PTPRM: variants seen among roughly 807,000 people sequenced by gnomAD.
The protein encoded by PTPRM is protein tyrosine phosphatase receptor type M.
PTPRM carries 47 observed loss-of-function variants against 186.7 expected under a neutral mutation model. That is an observed-to-expected ratio of 0.25 (90% CI 0.20 to 0.32). The LOEUF (loss-of-function observed/expected upper bound fraction) is 0.32, where lower values mean the gene tolerates loss of function less well. Among genes scored for constraint, PTPRM ranks in the 10% least tolerant of loss-of-function variants. PTPRM has a pLI of 1.00. For synonymous variants in PTPRM, 668 were observed against 674.9 expected, an observed-to-expected ratio of 0.99 and a Z score of 0.16; for missense variants, 1,494 against 1,865.0, an observed-to-expected ratio of 0.80 and a Z score of 3.66.
At position 8,076,525 on chromosome 18, in the gene PTPRM, A is replaced by G. The variant is rs532580268; in HGVS notation, c.1512A>G (p.Arg504=). The change falls in exon 9 of 33, where the codon AGA becomes AGG. Residue 504 remains arginine, a synonymous_variant. Transcript: ENST00000580170. The stretch of plus-strand genomic sequence containing the variant: ...AAGAGAAGATATTTCTTCAGTGGAG[A>G]GAACCAACTCAAACATATGGTGTAA... ...TFEEKIFLQW[R]EPTQTYGVIT... The G allele has an allele frequency of 1.3e-5, 21 of 1,606,936 alleles. No individual in the cohort carries two copies. The highest frequency in any genetic ancestry group is 1.8e-5 in the Non-Finnish European group (21 of 1,174,322).
At chr18:7,653,433 T>G (rs189536064) in intron 1 of PTPRM, among the ~76,000 whole-genome samples, 4 of 152,196 alleles carry the variant, frequency 2.6e-5, no homozygotes, top group Admixed American at 6.5e-5. Flanking sequence ...TTAAGCCTAG[T>G]ACCCATTAGT....
intron 20 of PTPRM, among the ~76,000 whole-genome samples, chr18:8,306,061 C>T (rs1228328112): frequency 1.7e-4 from 26 of 152,182 alleles, no homozygotes; most frequent in Admixed American, 1.7e-3. Context: ...CCACACCTGG[C>T]TAATTTTGTA....
intron 1 of PTPRM, among the ~76,000 whole-genome samples, chr18:7,618,071 A>G (rs1223245730): frequency 6.6e-6 from 1 of 151,746 alleles, no homozygotes; most frequent in African/African-American, 2.4e-5. Context: ...CATATTGGAA[A>G]TATTATTCCA....
chr18:7,678,889 A>G (rs2039412451), intron 1 of PTPRM, among the ~76,000 whole-genome samples: 1 of 152,198 alleles, frequency 6.6e-6, no homozygotes. Flanking sequence ...AGATATCTGT[A>G]TGCATGTATC....
At chr18:7,944,147 C>T (rs1334721477) in intron 5 of PTPRM, among the ~76,000 whole-genome samples, 2 of 152,124 alleles carry the variant, frequency 1.3e-5, no homozygotes. Context: ...TTTTTTTCCA[C>T]TGAGGCTGTG....
chr18:7,966,621 G>C (rs1349346659), intron 7 of PTPRM, among the ~76,000 whole-genome samples: 3 of 148,484 alleles, frequency 2.0e-5, no homozygotes, highest in Non-Finnish European at 4.5e-5. Context: ...AGCCGAAGCA[G>C]GGCGAGGCAT....
intron 7 of PTPRM, among the ~76,000 whole-genome samples, chr18:7,976,645 G>A (rs760626598): frequency 1.3e-5 from 2 of 152,116 alleles, no homozygotes; most frequent in African/African-American, 2.4e-5. Context: ...TTGAGTCTAG[G>A]GATGGAATGA....
intron 19 of PTPRM, among the ~76,000 whole-genome samples, chr18:8,284,447 TC>T (rs1447913695): frequency 3.3e-5 from 5 of 152,218 alleles, no homozygotes; most frequent in African/African-American, 1.2e-4. Context: ...CTAATTGTTA[TC>T]CTTTCAGCAG....
At chr18:7,645,586 G>C (rs2038541789) in intron 1 of PTPRM, among the ~76,000 whole-genome samples, 1 of 152,186 alleles carries the variant, frequency 6.6e-6, no homozygotes, top group Non-Finnish European at 1.5e-5. Context: ...AATATAAACT[G>C]TGTAGCCTCA....
rs865850000 is a variant in PTPRM at position 7,993,812 on chromosome 18, C to T, written c.1132+38398C>T. On this transcript the variant is annotated intron_variant, in intron 7 of 32. Transcript: ENST00000580170. ...ATATAACTTATTGAAAGAGCAGATA[C>T]GTATATGAGAAACCGAAAGGAATGA... 5.9e-5 allele frequency among the ~76,000 whole-genome samples: 9 copies of T among 151,802 alleles called. No individual in the cohort carries two copies. In the South Asian group the frequency reaches 1.0e-3, roughly 18 times the overall value.
At chr18:8,017,714 G>A (rs1247150288) in intron 7 of PTPRM, 2 of 152,018 alleles carry the variant, frequency 1.3e-5, no homozygotes, top group Non-Finnish European at 2.9e-5. Flanking sequence ...CCAGGAGCAG[G>A]TATCATGAGT....
At chr18:8,299,591 A>G (rs931386001) in intron 20 of PTPRM, among the ~76,000 whole-genome samples, 3 of 151,534 alleles carry the variant, frequency 2.0e-5, no homozygotes, top group Non-Finnish European at 4.4e-5. Flanking sequence ...GAGGTCTCAA[A>G]AAAACAAAAA....
chr18:8,365,860 A>G (rs1405983518), intron 23 of PTPRM: 1 of 152,246 alleles, frequency 6.6e-6, no homozygotes, highest in Admixed American at 6.5e-5. Flanking sequence ...CAATCACTTA[A>G]TAGTCGGAAT....
At chr18:7,741,631 T>C (rs1444917719) in intron 1 of PTPRM, 1 of 152,234 alleles carries the variant, frequency 6.6e-6, no homozygotes, top group Non-Finnish European at 1.5e-5. Context: ...GACAAAACTA[T>C]TGTAACTCTT....
rs536051040 is a variant in PTPRM at position 7,860,079 on chromosome 18, A to ATT, written c.197-28017_197-28016dup. Among the ~76,000 whole-genome samples the ATT allele has an allele frequency of 4.1e-3, 606 of 147,890 alleles. 5 individuals are homozygous for ATT. The highest frequency in any genetic ancestry group is 0.014 in the African/African-American group (577 of 40,358). The stretch of plus-strand genomic sequence containing the variant: ...TTTATTTTTTAAATGTTTTTATTTT[A>ATT]TTTTTTTTTTTGAGACAGAGTCTCG... On this transcript the variant is annotated intron_variant, in intron 2 of 32. Transcript: ENST00000580170.
intron 14 of PTPRM, among the ~76,000 whole-genome samples, chr18:8,197,879 C>G (rs1184161141): frequency 1.3e-5 from 2 of 152,204 alleles, no homozygotes; most frequent in Non-Finnish European, 2.9e-5. Context: ...TGCCGACACA[C>G]TCTCATTGGA....
intron 1 of PTPRM, among the ~76,000 whole-genome samples, chr18:7,673,879 G>A (rs1199071278): frequency 6.6e-6 from 1 of 152,206 alleles, no homozygotes; most frequent in African/African-American, 2.4e-5. Context: ...ACGGCCTTTG[G>A]TAGCCTGGTG....
At chr18:8,044,650 G>A (rs1356033378) in intron 7 of PTPRM, among the ~76,000 whole-genome samples, 6 of 151,638 alleles carry the variant, frequency 4.0e-5, no homozygotes, top group Middle Eastern at 3.4e-3. Flanking sequence ...CCAGCTAATC[G>A]GGAGGCTGAG....
At position 7,925,920 on chromosome 18, in the gene PTPRM, AC is replaced by A. The variant is rs937665081; in HGVS notation, c.548-647del. On this transcript the variant is annotated intron_variant, in intron 4 of 32. Coordinates refer to ENST00000580170, the MANE Select transcript of PTPRM (RefSeq NM_001105244.2). ...CTGTCCCATATGGACAATGTACATT[AC>A]GAGACAATGGTGTTCACCATTTGGA... Among the ~76,000 whole-genome samples, 34 of 152,352 alleles carry A rather than the reference AC, an allele frequency of 2.2e-4. 1 individual carries two copies. The highest frequency in any genetic ancestry group is 7.9e-4 in the African/African-American group (33 of 41,580).
Sources: gnomAD v4.1 joint callset for allele counts (sites outside exome capture counted in the v4.1 genomes callset) on GRCh38, gnomAD v4.1.1 for gene constraint, MANE v1.5 for transcripts, NCBI Gene and HGNC (gene_info 2026-07-23, HGNC 2026-07-21) for gene names.